Variants in LRRC4C observed in about 807,000 individuals in gnomAD.
LRRC4C encodes leucine rich repeat containing 4C, also known as leucine-rich repeat-containing protein 4C.
Under a neutral mutation model 33.6 loss-of-function variants are expected in LRRC4C, and 5 were observed. The ratio of observed to expected loss-of-function variants is 0.15; its 90% CI spans 0.08 to 0.31. The LOEUF (loss-of-function observed/expected upper bound fraction) is 0.31. LRRC4C is among the 10% of genes least tolerant of loss of function. LRRC4C has a pLI of 1.00. For missense variants in LRRC4C, 560 were observed against 796.7 expected (o/e 0.70, Z 3.58); for synonymous variants, 329 against 302.0 (o/e 1.09, Z -0.93).
At chr11:41,330,009 G>A (rs1000195144) in intron 1 of LRRC4C, among the ~76,000 whole-genome samples, 5 of 152,200 alleles carry the variant, frequency 3.3e-5, no homozygotes, top group African/African-American at 7.2e-5. Context: ...GTTAATACCT[G>A]AGAGAAATAG....
intron 1 of LRRC4C, among the ~76,000 whole-genome samples, chr11:41,244,293 T>C (rs1215479474): frequency 1.3e-5 from 2 of 152,126 alleles, no homozygotes; most frequent in African/African-American, 2.4e-5. Flanking sequence ...AAGCAGTAGA[T>C]GTCCTGAACT....
At chr11:40,858,692 T>TAAAAAAA (rs201131448) in intron 2 of LRRC4C, among the ~76,000 whole-genome samples, 1 of 80,162 alleles carries the variant, frequency 1.2e-5, no homozygotes, top group Non-Finnish European at 2.4e-5. Flanking sequence ...GACTCCTTCT[T>TAAAAAAA]AAAAAAAAAA....
intron 4 of LRRC4C, among the ~76,000 whole-genome samples, chr11:40,275,745 AC>A (rs1943055290): frequency 1.3e-5 from 2 of 152,172 alleles, no homozygotes; most frequent in Admixed American, 6.6e-5. Context: ...TGAAAACCTA[AC>A]AAAAAAGTCA....
At chr11:40,659,463 C>T (rs1943309428) in intron 2 of LRRC4C, among the ~76,000 whole-genome samples, 1 of 152,122 alleles carries the variant, frequency 6.6e-6, no homozygotes, top group South Asian at 2.1e-4. Context: ...GAGTCCATGA[C>T]CTGGAGTCAG....
chr11:41,266,615 C>A (rs142813461), intron 1 of LRRC4C, among the ~76,000 whole-genome samples: 1,904 of 152,180 alleles, frequency 0.013, 17 homozygotes, highest in Non-Finnish European at 0.019. Context: ...AGGTGTTCTA[C>A]AGGTTCTTTC....
chr11:40,224,318 C>T (rs1751546555), intron 5 of LRRC4C, among the ~76,000 whole-genome samples: 1 of 152,178 alleles, frequency 6.6e-6, no homozygotes, highest in South Asian at 2.1e-4. Flanking sequence ...GTGTTTAAAA[C>T]CCCTCCCCAC....
intron 3 of LRRC4C, among the ~76,000 whole-genome samples, chr11:40,399,887 AC>A (rs1949696149): frequency 6.6e-6 from 1 of 152,092 alleles, no homozygotes; most frequent in African/African-American, 2.4e-5. Flanking sequence ...CGCTCCGAAG[AC>A]ATATTTAATC....
intron 1 of LRRC4C, among the ~76,000 whole-genome samples, chr11:40,951,603 T>C (rs546182515): frequency 6.6e-6 from 1 of 152,118 alleles, no homozygotes; most frequent in African/African-American, 2.4e-5. Context: ...AATATTCTAA[T>C]TTACATTTTA....
intron 1 of LRRC4C, among the ~76,000 whole-genome samples, chr11:41,291,838 G>T (rs1299098689): frequency 6.6e-6 from 1 of 152,098 alleles, no homozygotes; most frequent in African/African-American, 2.4e-5. Flanking sequence ...TATCTGTGTG[G>T]GCAAGGCAAA....
At chr11:40,124,369 G>T (rs182763128) in intron 6 of LRRC4C, among the ~76,000 whole-genome samples, 47 of 152,268 alleles carry the variant, frequency 3.1e-4, no homozygotes, top group Admixed American at 2.9e-3. Flanking sequence ...GTTTATTGCA[G>T]CACTATTCAT....
chr11:40,741,638 G>T (rs931147205), intron 2 of LRRC4C, among the ~76,000 whole-genome samples: 10 of 152,070 alleles, frequency 6.6e-5, no homozygotes, highest in African/African-American at 2.4e-4. Context: ...TTTTGGCACA[G>T]AGCAAATATT....
intron 5 of LRRC4C, among the ~76,000 whole-genome samples, chr11:40,205,898 G>T (rs887740685): frequency 2.6e-5 from 4 of 152,072 alleles, no homozygotes; most frequent in Non-Finnish European, 4.4e-5. Flanking sequence ...TTCTAAAAAG[G>T]TATTACTTGA....
intron 3 of LRRC4C, among the ~76,000 whole-genome samples, chr11:40,328,347 C>T (rs891157539): frequency 6.6e-6 from 1 of 152,174 alleles, no homozygotes; most frequent in African/African-American, 2.4e-5. Context: ...CACATCATTA[C>T]TATCACCTGA....
chr11:40,235,732 C>T (rs1865508890), intron 5 of LRRC4C, among the ~76,000 whole-genome samples: 1 of 152,188 alleles, frequency 6.6e-6, no homozygotes, highest in Non-Finnish European at 1.5e-5. Context: ...TACCAATTAT[C>T]TTTTAATACA....
At chr11:41,185,346 C>G (rs1045674211) in intron 1 of LRRC4C, among the ~76,000 whole-genome samples, 6 of 151,724 alleles carry the variant, frequency 4.0e-5, no homozygotes, top group African/African-American at 1.5e-4. Flanking sequence ...AGAGATCCAC[C>G]CAAAGCAAAA....
intron 1 of LRRC4C, among the ~76,000 whole-genome samples, chr11:41,199,992 G>T (rs1161777744): frequency 6.6e-6 from 1 of 152,040 alleles, no homozygotes; most frequent in Non-Finnish European, 1.5e-5. Flanking sequence ...AAATCTCCTT[G>T]CTCATTTCAT....
chr11:40,819,648 A>C (rs1316482754), intron 2 of LRRC4C, among the ~76,000 whole-genome samples: 1 of 152,092 alleles, frequency 6.6e-6, no homozygotes, highest in Non-Finnish European at 1.5e-5. Context: ...AGTCCTGGTC[A>C]ACCCAGAAGC....
chr11:40,564,410 G>A (rs760932183), intron 3 of LRRC4C, among the ~76,000 whole-genome samples: 4 of 152,220 alleles, frequency 2.6e-5, no homozygotes, highest in Non-Finnish European at 5.9e-5. Flanking sequence ...CAGAGGACAT[G>A]TAATTCATCC....
intron 1 of LRRC4C, among the ~76,000 whole-genome samples, chr11:40,947,634 A>G (rs539574286): frequency 6.6e-6 from 1 of 152,156 alleles, no homozygotes; most frequent in African/African-American, 2.4e-5. Flanking sequence ...CTCACAGGTC[A>G]CCAGAACAGC....
Sources: gnomAD v4.1 joint callset for allele counts (sites outside exome capture counted in the v4.1 genomes callset) on GRCh38, gnomAD v4.1.1 for gene constraint, MANE v1.5 for transcripts, NCBI Gene and HGNC (gene_info 2026-07-23, HGNC 2026-07-21) for gene names.